Variants in DEPDC5 observed in about 807,000 individuals in gnomAD.
The protein encoded by DEPDC5 is GATOR1 complex protein DEPDC5.
A neutral mutation model predicts 217.3 loss-of-function variants in DEPDC5; 73 were observed. That is an observed-to-expected ratio of 0.34 (90% CI 0.28 to 0.41). The LOEUF (loss-of-function observed/expected upper bound fraction) is 0.41. Among genes scored for constraint, DEPDC5 ranks in the 10% least tolerant of loss-of-function variants. The pLI is 1.00. For missense variants in DEPDC5, 1,675 were observed against 2,070.1 expected, an observed-to-expected ratio of 0.81 and a Z score of 3.70; for synonymous variants, 733 against 756.7, an observed-to-expected ratio of 0.97 and a Z score of 0.51.
intron 33 of DEPDC5, among the ~76,000 whole-genome samples, chr22:31,869,755 C>G (rs1323549069): frequency 6.6e-6 from 1 of 151,916 alleles, no homozygotes; most frequent in South Asian, 2.1e-4. Flanking sequence ...GTGCAGGACC[C>G]GTGATGTCCT....
chr22:31,806,911 C>T (rs2148671416), intron 18 of DEPDC5, among the ~76,000 whole-genome samples: 1 of 152,236 alleles, frequency 6.6e-6, no homozygotes. Flanking sequence ...ACTTGGGAGG[C>T]TAAAACGGGA....
intron 24 of DEPDC5, chr22:31,826,373 G>A: frequency 5.7e-6 from 2 of 348,054 alleles, no homozygotes; most frequent in Non-Finnish European, 5.6e-6. Context: ...TCCATGGTGA[G>A]CACTCAACAA....
At chr22:31,792,706 T>C (rs1419965981) in intron 11 of DEPDC5, 39 bp from the exon 12 acceptor site, 39 of 1,483,684 alleles carry the variant, frequency 2.6e-5, no homozygotes, top group Middle Eastern at 1.7e-4. Context: ...GAATTTCTCT[T>C]CTCAGCCTGA....
chr22:31,872,660 A>T (rs1474182817), intron 34 of DEPDC5, among the ~76,000 whole-genome samples: 3 of 152,212 alleles, frequency 2.0e-5, no homozygotes, highest in Non-Finnish European at 4.4e-5. Context: ...GGCCTGAGGA[A>T]TATTATTAAA....
intron 24 of DEPDC5, among the ~76,000 whole-genome samples, chr22:31,824,913 T>G (rs2090017214): frequency 6.6e-6 from 1 of 151,244 alleles, no homozygotes; most frequent in Admixed American, 6.6e-5. Context: ...GAGGTGGAGC[T>G]TGCAGTGAGC....
chr22:31,788,264 A>ATTT lies in DEPDC5; in HGVS notation c.624+3414_624+3416dup, dbSNP rs75378797. On this transcript the variant is annotated intron_variant, in intron 10 of 42. Transcript: ENST00000651528. Reference sequence around the variant, plus strand: ...ACTTCACACCCACTAGGATGACTGTATTTTTTTTTTTTTTTTTTTTTTTTT... The same window carrying ATTT: ...ACTTCACACCCACTAGGATGACTGTATTTTTTTTTTTTTTTTTTTTTTTTTTTT... 5.5e-4 allele frequency among the ~76,000 whole-genome samples: 50 copies of ATTT among 90,696 alleles called. 1 individual carries two copies. Among genetic ancestry groups the ATTT allele is most frequent in the African/African-American group, 1.6e-3 (33 of 20,004 alleles). 59.5% of individuals were successfully genotyped at this position (90,696 alleles called of 152,430 possible). A position where few individuals can be genotyped will look rare whatever the true frequency, so the allele number is the denominator to read the frequency against.
intron 31 of DEPDC5, among the ~76,000 whole-genome samples, chr22:31,852,752 A>G (rs539349187): frequency 3.9e-5 from 6 of 152,380 alleles, no homozygotes; most frequent in Non-Finnish European, 8.8e-5. Flanking sequence ...CCATGGTATT[A>G]TAATTTACCT....
intron 7 of DEPDC5, among the ~76,000 whole-genome samples, chr22:31,771,332 G>A (rs2083333964): frequency 6.6e-6 from 1 of 152,154 alleles, no homozygotes. Flanking sequence ...ACTTGTTGTG[G>A]GGAGCCAGGT....
rs1250987108 is a variant in DEPDC5 at position 31,879,760 on chromosome 22, C to G, written c.4033+8C>G. On this transcript the variant is annotated splice_region_variant and intron_variant, in intron 38 of 42. Coordinates refer to ENST00000651528, the MANE Select transcript of DEPDC5 (RefSeq NM_001242896.3). ...AGGCGGCAGCACTTTTAGGTACATG[C>G]TCAACCCAGACAAGGTCTGAGGGTG... is the stretch of plus-strand genomic sequence containing the variant. The G allele has an allele frequency of 4.3e-6, 7 of 1,610,956 alleles. No homozygotes were observed. Among genetic ancestry groups the G allele is most frequent in the Non-Finnish European group, 5.9e-6 (7 of 1,178,702 alleles).
intron 38 of DEPDC5, 87 bp downstream of exon 38, chr22:31,879,839 T>A: frequency 7.7e-7 from 1 of 1,302,040 alleles, no homozygotes; most frequent in Non-Finnish European, 1.1e-6. Context: ...CGATGCCACA[T>A]GAACCAGGAT....
At chr22:31,776,334 G>A (rs2083852748) in intron 7 of DEPDC5, among the ~76,000 whole-genome samples, 1 of 151,834 alleles carries the variant, frequency 6.6e-6, no homozygotes, top group African/African-American at 2.4e-5. Context: ...CTGGTCTCAA[G>A]CTCCTGGGCT....
At chr22:31,793,505 C>G (rs1200482170) in intron 12 of DEPDC5, among the ~76,000 whole-genome samples, 1 of 151,848 alleles carries the variant, frequency 6.6e-6, no homozygotes, top group Non-Finnish European at 1.5e-5. Flanking sequence ...TATTTTATTT[C>G]TATACATATT....
At chr22:31,871,137 T>A (rs2092831200) in intron 34 of DEPDC5, among the ~76,000 whole-genome samples, 1 of 152,110 alleles carries the variant, frequency 6.6e-6, no homozygotes, top group Non-Finnish European at 1.5e-5. Context: ...CAAACATGAC[T>A]GTTCTTCTTC....
In DEPDC5 at chr22:31,887,419, CA is replaced by C. The variant is rs567430576; in HGVS notation, c.4034-6143del. Among the ~76,000 whole-genome samples the C allele has an allele frequency of 2.6e-3, 171 of 65,682 alleles. 1 individual carries two copies. The highest frequency in any genetic ancestry group is 0.011 in the South Asian group (18 of 1,630). 43.1% of individuals were successfully genotyped at this position (65,682 alleles called of 152,430 possible). ...GGGCAACAAAAGCGAAACTCTGTCT[CA>C]AAAAAAAAAAAAAAAAAAAGAGAAA... On this transcript the variant is annotated intron_variant, in intron 38 of 42. Coordinates refer to ENST00000651528, the MANE Select transcript of DEPDC5 (RefSeq NM_001242896.3).
intron 12 of DEPDC5, 141 bp from the exon 13 acceptor site, chr22:31,797,459 C>T (rs1047017024): frequency 6.2e-6 from 4 of 645,848 alleles, no homozygotes; most frequent in East Asian, 2.8e-5. Context: ...TGGAGGAAAC[C>T]ACCCCCATGA....
intron 24 of DEPDC5, among the ~76,000 whole-genome samples, chr22:31,826,008 T>A (rs1041139815): frequency 1.3e-5 from 2 of 152,086 alleles, no homozygotes; most frequent in Non-Finnish European, 2.9e-5. Context: ...AGATTGAATT[T>A]TTTTTTTTTC....
At chr22:31,786,024 T>C (rs767540745) in intron 10 of DEPDC5, among the ~76,000 whole-genome samples, 1 of 152,060 alleles carries the variant, frequency 6.6e-6, no homozygotes, top group Non-Finnish European at 1.5e-5. Context: ...CTCAGCACTT[T>C]GGGAGGCCGA....
intron 24 of DEPDC5, chr22:31,830,981 C>T (rs2090554097): frequency 6.6e-6 from 1 of 151,868 alleles, no homozygotes; most frequent in Admixed American, 6.6e-5. Context: ...TAAGAAAATC[C>T]ACCTCGTTGC....
At chr22:31,886,165 G>A (rs531657463) in intron 38 of DEPDC5, among the ~76,000 whole-genome samples, 4 of 152,222 alleles carry the variant, frequency 2.6e-5, no homozygotes, top group African/African-American at 7.2e-5. Context: ...GGGACTGCAG[G>A]TGCACACCAT....
Sources: allele counts gnomAD v4.1 joint callset (sites outside exome capture counted in the v4.1 genomes callset), GRCh38; gene constraint gnomAD v4.1.1; transcripts MANE v1.5; gene names NCBI Gene and HGNC (gene_info 2026-07-23, HGNC 2026-07-21).